SLCO1B1: variants seen among roughly 807,000 people sequenced by gnomAD.
The protein encoded by SLCO1B1 is solute carrier organic anion transporter family member 1B1.
Under a neutral mutation model 70.1 loss-of-function variants are expected in SLCO1B1, and 81 were observed. The ratio of observed to expected loss-of-function variants is 1.16; its 90% CI spans 0.97 to 1.39. SLCO1B1 has a LOEUF of 1.39. Ranked by LOEUF, SLCO1B1 falls within the 40% of genes most tolerant of loss-of-function variation. SLCO1B1 has a pLI of 0.00. For missense variants in SLCO1B1, 895 were observed against 799.6 expected (o/e 1.12, Z -1.44); for synonymous variants, 283 against 271.5 (o/e 1.04, Z -0.42).
intron 3 of SLCO1B1, among the ~76,000 whole-genome samples, 178 bp downstream of exon 3, chr12:21,172,969 T>C (rs1940774527): frequency 6.6e-6 from 1 of 152,218 alleles, no homozygotes; most frequent in South Asian, 2.1e-4. Context: ...GTGCTACTGG[T>C]ATCTAAAGGT....
At chr12:21,168,470 C>G (rs900253847) in intron 2 of SLCO1B1, among the ~76,000 whole-genome samples, 1 of 152,122 alleles carries the variant, frequency 6.6e-6, no homozygotes, top group Non-Finnish European at 1.5e-5. Context: ...ATTTGTGGAA[C>G]CTCCAAACTC....
In SLCO1B1 at chr12:21,157,636, C is replaced by CT. The variant is rs563665977; in HGVS notation, c.85-15013dup. Among the ~76,000 whole-genome samples, 51 of 144,690 alleles carry CT rather than the reference C, an allele frequency of 3.5e-4. No homozygotes were observed. In the East Asian group the frequency reaches 0.01, roughly 29 times the overall value. The allele number at this position is 144,690 out of a possible 152,430, so 94.9% of individuals were successfully genotyped here. ...TTTTTTTTTGAGACAGGGTCTCACT[C>CT]TGTCACCCAGGCTGGAGTGCAGTGG... is the stretch of plus-strand genomic sequence containing the variant. On this transcript the variant is annotated intron_variant, in intron 2 of 14. Transcript: ENST00000256958.
At chr12:21,134,647 G>C (rs1239987913) in intron 1 of SLCO1B1, among the ~76,000 whole-genome samples, 2 of 152,086 alleles carry the variant, frequency 1.3e-5, no homozygotes, top group African/African-American at 4.8e-5. Context: ...TTCTCTGATG[G>C]TAGTTTGTAT....
chr12:21,182,677 C>A lies in SLCO1B1; in HGVS notation c.727+3657C>A, dbSNP rs753306757. ...AGTATCCTTGGAGCACTTCAGATCC[C>A]CCAGTGTAGCTACTGCCTGAACCAG... On this transcript the variant is annotated intron_variant, in intron 7 of 14. Coordinates refer to ENST00000256958, the MANE Select transcript of SLCO1B1 (RefSeq NM_006446.5). Among the ~76,000 whole-genome samples, 3 of 152,156 alleles carry A rather than the reference C, an allele frequency of 2.0e-5. No individual in the cohort carries two copies. In the East Asian group the frequency reaches 5.8e-4, roughly 29 times the overall value.
intron 12 of SLCO1B1, among the ~76,000 whole-genome samples, chr12:21,220,790 C>A (rs1325500333): frequency 4.0e-5 from 6 of 149,610 alleles, no homozygotes; most frequent in Non-Finnish European, 7.4e-5. Context: ...TGCACTCCAG[C>A]CTGGGAGACA....
intron 7 of SLCO1B1, among the ~76,000 whole-genome samples, chr12:21,192,480 T>C (rs530559553): frequency 6.6e-6 from 1 of 152,024 alleles, no homozygotes; most frequent in South Asian, 2.1e-4. Context: ...TTTTCTCTTT[T>C]GCTTAGTCTA....
chr12:21,160,105 C>CT (rs752494638), intron 2 of SLCO1B1, among the ~76,000 whole-genome samples: 1,923 of 46,736 alleles, frequency 0.041, 31 homozygotes, highest in Non-Finnish European at 0.065. Flanking sequence ...CTTCACAGAA[C>CT]TAAAAAAAAA....
At chr12:21,194,727 A>G (rs775513543) in intron 7 of SLCO1B1, among the ~76,000 whole-genome samples, 3 of 152,140 alleles carry the variant, frequency 2.0e-5, no homozygotes, top group Non-Finnish European at 4.4e-5. Context: ...CTTGGTAACA[A>G]TTTTCTGTGT....
At chr12:21,133,729 T>G (rs2121020034) in intron 1 of SLCO1B1, among the ~76,000 whole-genome samples, 2 of 152,330 alleles carry the variant, frequency 1.3e-5, no homozygotes, top group East Asian at 1.9e-4. Context: ...GAGGAAATTT[T>G]GGGCTGAGAT....
At chr12:21,137,062 A>G (rs1396992744) in intron 1 of SLCO1B1, among the ~76,000 whole-genome samples, 1 of 152,148 alleles carries the variant, frequency 6.6e-6, no homozygotes, top group African/African-American at 2.4e-5. Context: ...CAGGACCCTC[A>G]GCTGCAGGTC....
In SLCO1B1 at chr12:21,200,687, T is replaced by C. The variant is rs769338711; in HGVS notation, c.1135+15T>C. 2.5e-6 allele frequency: 4 copies of C among 1,607,510 alleles called. No homozygotes were observed. The highest frequency in any genetic ancestry group is 3.4e-6 in the Non-Finnish European group (4 of 1,175,760). ...CATCTTATTGGGTAAGACATATTTT[T>C]TACTTGTGTGCTTAATAAGTGAAAT... On this transcript the variant is annotated intron_variant, in intron 9 of 14. Coordinates refer to ENST00000256958, the MANE Select transcript of SLCO1B1 (RefSeq NM_006446.5).
At chr12:21,190,351 T>G (rs1565677422) in intron 7 of SLCO1B1, among the ~76,000 whole-genome samples, 1 of 152,114 alleles carries the variant, frequency 6.6e-6, no homozygotes, top group Non-Finnish European at 1.5e-5. Context: ...TTGTTGGGAC[T>G]GCTACTCACT....
At chr12:21,143,500 C>T (rs1940340304) in intron 2 of SLCO1B1, among the ~76,000 whole-genome samples, 1 of 151,944 alleles carries the variant, frequency 6.6e-6, no homozygotes, top group Non-Finnish European at 1.5e-5. Context: ...ATATGCCAGA[C>T]ATTGATTTAG....
chr12:21,180,255 G>A (rs904868031), intron 7 of SLCO1B1, among the ~76,000 whole-genome samples: 1 of 152,146 alleles, frequency 6.6e-6, no homozygotes, highest in East Asian at 1.9e-4. Context: ...GAGTTACTGT[G>A]CCCTGTAATC....
chr12:21,157,277 T>C (rs1940554912), intron 2 of SLCO1B1, among the ~76,000 whole-genome samples: 1 of 152,160 alleles, frequency 6.6e-6, no homozygotes, highest in East Asian at 1.9e-4. Flanking sequence ...GGTTCCTGAT[T>C]TAGCCAAGAA....
intron 7 of SLCO1B1, among the ~76,000 whole-genome samples, chr12:21,193,725 A>G (rs1941057526): frequency 6.6e-6 from 1 of 152,156 alleles, no homozygotes; most frequent in Non-Finnish European, 1.5e-5. Flanking sequence ...TGTTAGAAGC[A>G]GCCAACCTAT....
chr12:21,180,526 G>T (rs1334984973), intron 7 of SLCO1B1, among the ~76,000 whole-genome samples: 8 of 152,106 alleles, frequency 5.3e-5, no homozygotes, highest in Non-Finnish European at 1.2e-4. Context: ...AGTTAAGTTT[G>T]TGAATAAATA....
intron 7 of SLCO1B1, among the ~76,000 whole-genome samples, chr12:21,195,751 T>C (rs1185491502): frequency 6.6e-6 from 1 of 152,182 alleles, no homozygotes; most frequent in Non-Finnish European, 1.5e-5. Context: ...ATGGGAATGC[T>C]TACATACTAG....
intron 2 of SLCO1B1, among the ~76,000 whole-genome samples, chr12:21,172,027 T>A (rs1387355894): frequency 6.6e-6 from 1 of 152,178 alleles, no homozygotes; most frequent in East Asian, 1.9e-4. Context: ...AAAGATGTAA[T>A]ACATAACAGG....
Sources: allele counts gnomAD v4.1 joint callset (sites outside exome capture counted in the v4.1 genomes callset), GRCh38; gene constraint gnomAD v4.1.1; transcripts MANE v1.5; gene names NCBI Gene and HGNC (gene_info 2026-07-23, HGNC 2026-07-21).